The following LRRTM4 variants were observed in gnomAD, a reference collection of about 807,000 sequenced individuals.
LRRTM4 encodes leucine rich repeat transmembrane neuronal 4.
Under a neutral mutation model 47.6 loss-of-function variants are expected in LRRTM4, and 25 were observed. That is an observed-to-expected ratio of 0.53 (90% CI 0.38 to 0.73). LRRTM4 has a LOEUF of 0.73. LRRTM4 is among the 30% of genes least tolerant of loss of function. The probability of loss-of-function intolerance (pLI) is 0.00; values close to 1 mark genes in which losing one functional copy is unlikely to be tolerated. For synonymous variants in LRRTM4, 311 were observed against 269.5 expected, an observed-to-expected ratio of 1.15 and a Z score of -1.51; for missense variants, 638 against 713.4, an observed-to-expected ratio of 0.89 and a Z score of 1.20.
chr2:76,950,827 A>G (rs1675469779), intron 3 of LRRTM4, among the ~76,000 whole-genome samples: 1 of 152,054 alleles, frequency 6.6e-6, no homozygotes, highest in South Asian at 2.1e-4. Flanking sequence ...GACTAGATTC[A>G]GCCATATTAA....
intron 3 of LRRTM4, among the ~76,000 whole-genome samples, chr2:76,953,294 C>T (rs1675558531): frequency 2.6e-5 from 4 of 151,800 alleles, no homozygotes. Flanking sequence ...GATCTAACAA[C>T]AGTATATGGA....
At chr2:77,224,553 A>C (rs1188086962) in intron 3 of LRRTM4, among the ~76,000 whole-genome samples, 2 of 152,246 alleles carry the variant, frequency 1.3e-5, no homozygotes, top group Non-Finnish European at 2.9e-5. Flanking sequence ...TGGGCAAAGG[A>C]TAAGAACAGA....
intron 3 of LRRTM4, among the ~76,000 whole-genome samples, chr2:77,217,864 A>G (rs995733281): frequency 6.6e-6 from 1 of 152,206 alleles, no homozygotes; most frequent in Non-Finnish European, 1.5e-5. Flanking sequence ...AATAAACACA[A>G]TGTGTATGTT....
intron 3 of LRRTM4, among the ~76,000 whole-genome samples, chr2:76,957,388 G>C (rs1326543469): frequency 6.6e-6 from 1 of 151,678 alleles, no homozygotes; most frequent in Non-Finnish European, 1.5e-5. Context: ...TGTTAAAAAG[G>C]TGAATGTCAT....
intron 3 of LRRTM4, among the ~76,000 whole-genome samples, chr2:77,160,606 C>A (rs1672685598): frequency 1.3e-5 from 2 of 151,898 alleles, no homozygotes; most frequent in Admixed American, 1.3e-4. Flanking sequence ...TCTCATTGTC[C>A]AAGGCTTTTT....
chr2:76,889,660 G>A (rs952324097), intron 3 of LRRTM4, among the ~76,000 whole-genome samples: 2 of 152,000 alleles, frequency 1.3e-5, no homozygotes, highest in Admixed American at 6.6e-5. Flanking sequence ...TTAGCAAGAA[G>A]AAGGAGGACA....
At chr2:76,943,064 G>C (rs1675204865) in intron 3 of LRRTM4, among the ~76,000 whole-genome samples, 1 of 152,106 alleles carries the variant, frequency 6.6e-6, no homozygotes, top group Non-Finnish European at 1.5e-5. Flanking sequence ...CCATAAAATA[G>C]TAATCTGTAC....
intron 3 of LRRTM4, among the ~76,000 whole-genome samples, chr2:77,449,335 C>A (rs559056084): frequency 2.6e-5 from 4 of 152,184 alleles, no homozygotes; most frequent in Admixed American, 2.6e-4. Context: ...TAATTAGAGT[C>A]TTTGCATGCC....
intron 3 of LRRTM4, among the ~76,000 whole-genome samples, chr2:77,088,259 C>T (rs1276885392): frequency 6.6e-6 from 1 of 152,132 alleles, no homozygotes; most frequent in Non-Finnish European, 1.5e-5. Flanking sequence ...GCAATCGCGT[C>T]CCCTGTGACT....
rs534899013 is a variant in LRRTM4 at position 77,119,465 on chromosome 2, A to G, written c.1552-370549T>C. ...TACTGAAGGTATCTAAGAGCAATTA[A>G]GATAAAAATTCAACCCAACCACTGT... is the stretch of plus-strand genomic sequence containing the variant. On this transcript the variant is annotated intron_variant, in intron 3 of 3. Transcript: ENST00000409884. Among the ~76,000 whole-genome samples the G allele has an allele frequency of 8.6e-5, 13 of 151,954 alleles. No individual in the cohort carries two copies. In the East Asian group the frequency reaches 2.5e-3, roughly 29 times the overall value.
At chr2:77,046,067 C>A (rs75843802) in intron 3 of LRRTM4, among the ~76,000 whole-genome samples, 3,526 of 151,962 alleles carry the variant, frequency 0.023, 149 homozygotes, top group African/African-American at 0.081. Context: ...TGGATTTGTA[C>A]GTTTGATTCT....
intron 3 of LRRTM4, among the ~76,000 whole-genome samples, chr2:77,069,399 C>CTA (rs1235492127): frequency 8.1e-6 from 1 of 123,582 alleles, no homozygotes; most frequent in East Asian, 2.5e-4. Flanking sequence ...CTACATTTCA[C>CTA]TATGTGTGTG....
At chr2:77,240,007 A>G (rs1675212977) in intron 3 of LRRTM4, among the ~76,000 whole-genome samples, 1 of 151,914 alleles carries the variant, frequency 6.6e-6, no homozygotes, top group Non-Finnish European at 1.5e-5. Flanking sequence ...CACATGTAAC[A>G]TCTATCAAGA....
chr2:76,823,206 C>T (rs1253348851), intron 3 of LRRTM4, among the ~76,000 whole-genome samples: 1 of 151,178 alleles, frequency 6.6e-6, no homozygotes, highest in East Asian at 1.9e-4. Flanking sequence ...TTGTCAAATT[C>T]AACTAATATT....
chr2:77,393,101 C>T (rs1023928667), intron 3 of LRRTM4, among the ~76,000 whole-genome samples: 3 of 152,038 alleles, frequency 2.0e-5, no homozygotes, highest in South Asian at 2.1e-4. Context: ...TACAGCTTTT[C>T]GTAATTCTCT....
At chr2:77,086,418 A>ATGTGTGTGTGTATG (rs560996552) in intron 3 of LRRTM4, among the ~76,000 whole-genome samples, 1 of 129,524 alleles carries the variant, frequency 7.7e-6, no homozygotes, top group African/African-American at 3.2e-5. Flanking sequence ...TAGTGTGTGT[A>ATGTGTGTGTGTATG]TGTGTGTGTA....
Position 77,065,328 on chromosome 2 carries a change from A to G in LRRTM4, c.1552-316412T>C, listed in dbSNP as rs541127292. Among the ~76,000 whole-genome samples the G allele has an allele frequency of 4.6e-5, 7 of 152,316 alleles. No homozygotes were observed. The South Asian group carries it at 1.0e-3, about 23-fold the overall frequency. On this transcript the variant is annotated intron_variant, in intron 3 of 3. Transcript: ENST00000409884. Reference sequence around the variant, plus strand: ...TCAGAAGTTATAAAGATAAACATACAGTCCTTGCCCTCAGAGAACTCACAT... The same window carrying G: ...TCAGAAGTTATAAAGATAAACATACGGTCCTTGCCCTCAGAGAACTCACAT...
chr2:77,167,358 T>G (rs1398213520), intron 3 of LRRTM4, among the ~76,000 whole-genome samples: 1 of 152,186 alleles, frequency 6.6e-6, no homozygotes, highest in African/African-American at 2.4e-5. Context: ...TTGGTAGGAC[T>G]GTAAACTAGT....
chr2:76,984,674 A>T (rs2103974586), intron 3 of LRRTM4, among the ~76,000 whole-genome samples: 1 of 152,148 alleles, frequency 6.6e-6, no homozygotes, highest in South Asian at 2.1e-4. Context: ...TCAGAAAAAC[A>T]ACAGAAGCCT....
Sources: gnomAD v4.1 joint callset for allele counts (sites outside exome capture counted in the v4.1 genomes callset) on GRCh38, gnomAD v4.1.1 for gene constraint, MANE v1.5 for transcripts, NCBI Gene and HGNC (gene_info 2026-07-23, HGNC 2026-07-21) for gene names.